Variants in DLK1 observed in about 807,000 individuals in gnomAD.
DLK1 encodes the protein delta like non-canonical Notch ligand 1.
A neutral mutation model predicts 35.2 loss-of-function variants in DLK1; 9 were observed. The ratio of observed to expected loss-of-function variants is 0.26; its 90% CI spans 0.15 to 0.45. DLK1 has a LOEUF of 0.45. Ranked by LOEUF, DLK1 falls within the 20% of genes least tolerant of loss-of-function variation. The pLI is 1.00. For synonymous variants in DLK1, 231 were observed against 228.4 expected (o/e 1.01, Z -0.10); for missense variants, 522 against 528.5 (o/e 0.99, Z 0.12).
Position 100,736,397 on chromosome 14 carries a change from TC to T in DLK1, c.*1502del, listed in dbSNP as rs2139867450. Reference sequence around the variant, plus strand: ...CTTGCTCCAGGTGTTTATTTCTAAGTCATCATCACCTTCGTCATCTACAGTC... The same window carrying T: ...CTTGCTCCAGGTGTTTATTTCTAAGTATCATCACCTTCGTCATCTACAGTC... On this transcript the variant is annotated 3_prime_UTR_variant, in exon 5 of 5. Transcript: ENST00000341267. 6.6e-6 allele frequency: 1 copy of T among 152,200 alleles called. No homozygotes were observed. Among genetic ancestry groups the T allele is most frequent in the East Asian group, 1.9e-4 (1 of 5,178 alleles). 9.4% of individuals were successfully genotyped at this position (152,200 alleles called of 1,614,324 possible).
At position 100,734,563 on chromosome 14, in the gene DLK1, C is replaced by T. The variant is rs766810694; in HGVS notation, c.819C>T (p.His273=). 1.2e-5 allele frequency: 19 copies of T among 1,612,982 alleles called. No homozygotes were observed. The African/African-American group carries it at 1.2e-4, about 10-fold the overall frequency. ...CCTACCGCCTGACCCCTGGGGTGCA[C>T]GAGCTGCCGGTGCAGCAGCCGGAGC... ...GLAYRLTPGV[H]ELPVQQPEHR... Residue 273 remains histidine (H), a synonymous_variant, in exon 5 of 5, where the codon CAC becomes CAT. Transcript: ENST00000341267. The surrounding 1 kb of genome is among the most constrained non-coding windows in gnomAD (Gnocchi z 7.4).
intron 3 of DLK1, 41 bp from the exon 4 acceptor site, chr14:100,732,001 G>T (rs954809845): frequency 6.3e-7 from 1 of 1,589,140 alleles, no homozygotes; most frequent in Non-Finnish European, 8.6e-7. Context: ...GCTCGTGTAT[G>T]GAGAGGAAGC....
rs2036595561 is a variant in DLK1 at position 100,738,216 on chromosome 14, A to G, written c.*3320A>G. The stretch of plus-strand genomic sequence containing the variant: ...CTTGTTTATTGAAAAATAAACAACA[A>G]GGGCTAGACTTGTGTCTGCGTCTTT... On this transcript the variant is annotated 3_prime_UTR_variant, in exon 5 of 5. Transcript: ENST00000341267. The G allele has an allele frequency of 6.6e-6, 1 of 152,238 alleles. No individual in the cohort carries two copies. Among genetic ancestry groups the G allele is most frequent in the African/African-American group, 2.4e-5 (1 of 41,464 alleles). The allele number at this position is 152,238 out of a possible 1,614,324, so 9.4% of individuals were successfully genotyped here. A position where few individuals can be genotyped will look rare whatever the true frequency, so the allele number is the denominator to read the frequency against.
chr14:100,726,920 G>A lies in DLK1; in HGVS notation c.-149G>A. The A allele has an allele frequency of 1.6e-6, 1 of 639,000 alleles. No homozygotes were observed. Among genetic ancestry groups the A allele is most frequent in the Admixed American group, 4.6e-5 (1 of 21,526 alleles). 39.6% of individuals were successfully genotyped at this position (639,000 alleles called of 1,614,324 possible). On this transcript the variant is annotated 5_prime_UTR_variant, in exon 1 of 5. Coordinates refer to ENST00000341267, the MANE Select transcript of DLK1 (RefSeq NM_003836.7). This position sits in a 1 kb window ranked among gnomAD's most constrained non-coding sequence, Gnocchi z 4.2. ...AGCTCCCCGGCAGCGGCGGTGGAGAGCGCAGCGCGCAGCCCGGTGCAGCCC... is the reference window on the plus strand; with the variant it reads ...AGCTCCCCGGCAGCGGCGGTGGAGAACGCAGCGCGCAGCCCGGTGCAGCCC...
chr14:100,728,624 C>CGGG (rs756240258), intron 2 of DLK1, 165 bp downstream of exon 2: 9 of 160,362 alleles, frequency 5.6e-5, no homozygotes, highest in African/African-American at 3.7e-4. Flanking sequence ...ATGGGGGGGG[C>CGGG]GGGGGGGGGG....
chr14:100,733,366 C>T (rs1021383875), intron 4 of DLK1, among the ~76,000 whole-genome samples: 8 of 152,136 alleles, frequency 5.3e-5, no homozygotes, highest in Non-Finnish European at 1.0e-4. Context: ...AGGGCTCGCT[C>T]GTTTAAAAGC....
At chr14:100,729,617 C>T (rs1396982410) in intron 3 of DLK1, among the ~76,000 whole-genome samples, 1 of 152,146 alleles carries the variant, frequency 6.6e-6, no homozygotes, top group Non-Finnish European at 1.5e-5. Context: ...GGGGAGGCTG[C>T]AGTTGGGAAA....
rs2036588545 is a variant in DLK1, at chr14:100,737,633, GC to G, written c.*2738del. The G allele has an allele frequency of 6.5e-6, 1 of 153,118 alleles. No homozygotes were observed. The highest frequency in any genetic ancestry group is 2.4e-5 in the African/African-American group (1 of 41,448). 9.5% of individuals were successfully genotyped at this position (153,118 alleles called of 1,614,324 possible). A position where few individuals can be genotyped will look rare whatever the true frequency, so the allele number is the denominator to read the frequency against. On this transcript the variant is annotated 3_prime_UTR_variant, in exon 5 of 5. Transcript: ENST00000341267. ...CTAGGCAGTGTGCGGAAGCTGCAGG[GC>G]AGGCAGGACGAGGGGGCAGTCTGGA...
chr14:100,731,605 G>T (rs954806750), intron 3 of DLK1, among the ~76,000 whole-genome samples: 2 of 152,120 alleles, frequency 1.3e-5, no homozygotes, highest in African/African-American at 4.8e-5. Context: ...TGAGGGTTGG[G>T]CTGTATTCAT....
At position 100,734,456 on chromosome 14, in the gene DLK1, G is replaced by A. The variant is rs767813448; in HGVS notation, c.712G>A (p.Glu238Lys). Residue 238 changes from glutamate to lysine, a missense_variant, in exon 5 of 5, where the codon GAG (glutamate) becomes AAG (lysine). Physicochemically the swap from Glu to Lys is moderately conservative, Grantham distance 56 (BLOSUM62 1). Coordinates refer to ENST00000341267, the MANE Select transcript of DLK1 (RefSeq NM_003836.7). The surrounding 1 kb of genome is among the most constrained non-coding windows in gnomAD (Gnocchi z 7.4). Reference sequence around the variant, plus strand: ...GAGCTACGAGTGTCTGTGCAAGCCCGAGTTCACAGGTCTCACCTGTGTCAA... The same window carrying A: ...GAGCTACGAGTGTCTGTGCAAGCCCAAGTTCACAGGTCTCACCTGTGTCAA... ...QVSYECLCKP[E>K]FTGLTCVKKR... The A allele has an allele frequency of 7.4e-6, 12 of 1,611,738 alleles. No homozygotes were observed. The Admixed American group carries it at 1.0e-4, about 13-fold the overall frequency.
intron 2 of DLK1, 171 bp downstream of exon 2, chr14:100,728,630 G>T (rs1171517587): frequency 7.7e-6 from 2 of 258,570 alleles, no homozygotes; most frequent in Admixed American, 4.5e-5. Flanking sequence ...GGGGCGGGGG[G>T]GGGGCAGCCA....
intron 4 of DLK1, among the ~76,000 whole-genome samples, chr14:100,733,821 T>C (rs2036535617): frequency 6.6e-6 from 1 of 151,680 alleles, no homozygotes. Context: ...GTTGGAGAGG[T>C]GCAGTAAGAG....
chr14:100,729,369 C>T (rs544864138), intron 3 of DLK1: 23 of 620,760 alleles, frequency 3.7e-5, no homozygotes, highest in South Asian at 3.0e-4. Context: ...ACAGCTGGGC[C>T]GGTGGGACCA....
intron 3 of DLK1, 38 bp downstream of exon 3, chr14:100,729,104 T>C: frequency 6.2e-7 from 1 of 1,611,232 alleles, no homozygotes; most frequent in Non-Finnish European, 8.5e-7. Context: ...CTCTGCGTCC[T>C]TACCTGCCTG....
Position 100,734,757 on chromosome 14 carries a change from G to A in DLK1, c.1013G>A (p.Arg338His), listed in dbSNP as rs751083673. 1.1e-5 allele frequency: 18 copies of A among 1,613,910 alleles called. No individual in the cohort carries two copies. Among genetic ancestry groups the A allele is most frequent in the Non-Finnish European group, 1.3e-5 (15 of 1,180,024 alleles). The change falls in exon 5 of 5, where the codon CGC (arginine) becomes CAC (histidine). Residue 338 changes from arginine (R) to histidine (H), a missense_variant. Arg to His is a conservative substitution (Grantham distance 29). Coordinates refer to ENST00000341267, the MANE Select transcript of DLK1 (RefSeq NM_003836.7). The surrounding 1 kb of genome is among the most constrained non-coding windows in gnomAD (Gnocchi z 7.4). ...TGCGAGACCTGGGTGTCCAACCTGC[G>A]CTACAACCACATGCTGCGGAAGAAG... ...NKCETWVSNL[R>H]YNHMLRKKKN...
chr14:100,728,250 G>C, intron 1 of DLK1, 146 bp from the exon 2 acceptor site: 1 of 753,596 alleles, frequency 1.3e-6, no homozygotes, highest in Non-Finnish European at 2.3e-6. Context: ...GCTCGGATAG[G>C]AAGTGCCTAC....
intron 4 of DLK1, among the ~76,000 whole-genome samples, chr14:100,732,667 G>A (rs911697973): frequency 1.3e-5 from 2 of 152,200 alleles, no homozygotes; most frequent in African/African-American, 4.8e-5. Flanking sequence ...CAGCACGAGA[G>A]GAGGTGGGCC....
chr14:100,727,502 C>T (rs994573239), intron 1 of DLK1, among the ~76,000 whole-genome samples: 5 of 152,182 alleles, frequency 3.3e-5, no homozygotes, highest in Non-Finnish European at 5.9e-5. Flanking sequence ...CGTTCTGGAA[C>T]AGGTCTCGGG....
chr14:100,732,030 G>A lies in DLK1; in HGVS notation c.263-12G>A, dbSNP rs377407549. The stretch of plus-strand genomic sequence containing the variant: ...AGGAAGCTAAGTTCTCGTCTTCCCC[G>A]TCACCCCGCAGATGTTCGGGCCTGC... On this transcript the variant is annotated splice_polypyrimidine_tract_variant and intron_variant, in intron 3 of 4. Transcript: ENST00000341267. 6.9e-6 allele frequency: 11 copies of A among 1,604,428 alleles called. No homozygotes were observed. The African/African-American group carries it at 9.4e-5, about 14-fold the overall frequency.
Sources: allele counts gnomAD v4.1 joint callset (sites outside exome capture counted in the v4.1 genomes callset), GRCh38; gene constraint gnomAD v4.1.1; non-coding constraint Gnocchi (gnomAD v3.1); transcripts MANE v1.5; gene names NCBI Gene and HGNC (gene_info 2026-07-23, HGNC 2026-07-21).